ZNF48: variants seen among roughly 807,000 people sequenced by gnomAD.
ZNF48 encodes zinc finger protein 48, also known as zinc finger protein 553.
ZNF48 carries 20 observed loss-of-function variants against 40.0 expected under a neutral mutation model. The observed-to-expected ratio is 0.50, with a 90% confidence interval of 0.35 to 0.73. The LOEUF is 0.73. ZNF48 is among the 30% of genes least tolerant of loss of function. ZNF48 has a pLI of 0.01. For missense variants in ZNF48, 726 were observed against 851.9 expected (o/e 0.85, Z 1.84); for synonymous variants, 298 against 329.7 (o/e 0.90, Z 1.04).
intron 1 of ZNF48, chr16:30,379,638 C>CTATTTTTT: frequency 3.4e-6 from 1 of 295,676 alleles, no homozygotes; most frequent in Non-Finnish European, 5.7e-6. Context: ...CTGCCCCTTC[C>CTATTTTTT]TCTTTTTTTT....
upstream of ZNF48, among the ~76,000 whole-genome samples, chr16:30,390,601 G>GTTT (rs796708706): frequency 3.7e-5 from 2 of 53,356 alleles, no homozygotes; most frequent in African/African-American, 1.4e-4. Flanking sequence ...GTAGAGACGG[G>GTTT]TTTTTTTTTT....
At chr16:30,387,374 T>C (rs2151114108) in intron 1 of ZNF48, among the ~76,000 whole-genome samples, 1 of 147,376 alleles carries the variant, frequency 6.8e-6, no homozygotes, top group East Asian at 2.1e-4. Flanking sequence ...GGCCAACATG[T>C]TGAAATCCTG....
At position 30,399,131 on chromosome 16, in the gene ZNF48, C is replaced by G; in HGVS notation, c.*24C>G. ...GACGCGGTCCAGGGAGGGCGGAGGC[C>G]CAGGAGACCAAAGGGAGGGGCTCTG... is the stretch of plus-strand genomic sequence containing the variant. On this transcript the variant is annotated 3_prime_UTR_variant, in exon 3 of 3. Transcript: ENST00000613509. The G allele has an allele frequency of 6.5e-7, 1 of 1,528,114 alleles. No individual in the cohort carries two copies. The highest frequency in any genetic ancestry group is 8.8e-7 in the Non-Finnish European group (1 of 1,139,172). 94.7% of individuals were successfully genotyped at this position (1,528,114 alleles called of 1,614,324 possible).
In ZNF48 at chr16:30,398,565, G is replaced by A. The variant is rs772192920; in HGVS notation, c.1315G>A (p.Gly439Arg). 8.1e-6 allele frequency: 13 copies of A among 1,611,250 alleles called. No homozygotes were observed. In the South Asian group the frequency reaches 1.2e-4, roughly 15 times the overall value. The stretch of plus-strand genomic sequence containing the variant: ...GCCAGAGCCTGGGGGCCCACAGGCT[G>A]GGGAGCCACCCCCACCACTGGCGGG... ...LEPEPGGPQA[G>R]EPPPPLAGDK... The change falls in exon 3 of 3, where the codon GGG (glycine) becomes AGG (arginine). Residue 439 changes from glycine (G) to arginine (R), a missense_variant. By Grantham distance (125) the Gly-to-Arg change is moderately radical. This residue lies in a region of ZNF48 where 378 missense variants were observed against 449.1 expected (regional missense o/e 0.84). Coordinates refer to ENST00000613509, the MANE Select transcript of ZNF48 (RefSeq NM_001214909.2). This position sits in a 1 kb window ranked among gnomAD's most constrained non-coding sequence, Gnocchi z 6.6.
At position 30,397,268 on chromosome 16, in the gene ZNF48, T is replaced by C; in HGVS notation, c.80-62T>C. Reference sequence around the variant, plus strand: ...GTCAAGGGAGTCTTCCTGGAGAGGTTGCTGTCAAAGATAAGTACCGAGCCA... The same window carrying C: ...GTCAAGGGAGTCTTCCTGGAGAGGTCGCTGTCAAAGATAAGTACCGAGCCA... On this transcript the variant is annotated intron_variant, in intron 2 of 2. Coordinates refer to ENST00000613509, the MANE Select transcript of ZNF48 (RefSeq NM_001214909.2). The surrounding 1 kb of genome is among the most constrained non-coding windows in gnomAD (Gnocchi z 4.1). 1 of 1,452,628 alleles carries C rather than the reference T, an allele frequency of 6.9e-7. No individual in the cohort carries two copies. The highest frequency in any genetic ancestry group is 2.1e-5 in the Admixed American group (1 of 46,908). The allele number at this position is 1,452,628 out of a possible 1,614,324, so 90.0% of individuals were successfully genotyped here. A position where few individuals can be genotyped will look rare whatever the true frequency, so the allele number is the denominator to read the frequency against.
chr16:30,395,816 T>C lies in ZNF48; in HGVS notation c.22T>C (p.Trp8Arg), dbSNP rs1330149378. The change falls in exon 2 of 3, where the codon TGG (tryptophan) becomes CGG (arginine). Residue 8 changes from tryptophan (W) to arginine (R), a missense_variant. By Grantham distance (101) the Trp-to-Arg change is moderately radical. Transcript: ENST00000613509. This position sits in a 1 kb window ranked among gnomAD's most constrained non-coding sequence, Gnocchi z 5.9. ...GGCGATGGAGCGCGCGGTAGAGCCT[T>C]GGGGCCCAGATCTCCACCGCCCGGA... MERAVEP[W>R]GPDLHRPEER... 2 of 1,549,376 alleles carry C rather than the reference T, an allele frequency of 1.3e-6. No individual in the cohort carries two copies. Among genetic ancestry groups the C allele is most frequent in the South Asian group, 2.4e-5 (2 of 84,286 alleles).
chr16:30,380,871 G>A (rs1375694994), intron 1 of ZNF48: 2 of 539,540 alleles, frequency 3.7e-6, no homozygotes, highest in Non-Finnish European at 6.7e-6. Context: ...AAGTCACTAT[G>A]TTCTCATGTC....
Position 30,382,524 on chromosome 16 carries a change from C to A in ZNF48, c.-16+4114C>A. On this transcript the variant is annotated intron_variant, in intron 1 of 2. Transcript: ENST00000528032. This position sits in a 1 kb window ranked among gnomAD's most constrained non-coding sequence, Gnocchi z 4.8. ...CCAGGTTTCTGGGTGTAAGGACTCACCATGACTCCGCCAGCCATCACTGCA... is the reference window on the plus strand; with the variant it reads ...CCAGGTTTCTGGGTGTAAGGACTCAACATGACTCCGCCAGCCATCACTGCA... 6.3e-7 allele frequency: 1 copy of A among 1,593,082 alleles called. No individual in the cohort carries two copies. Among genetic ancestry groups the A allele is most frequent in the Non-Finnish European group, 8.5e-7 (1 of 1,170,756 alleles).
intron 1 of ZNF48, among the ~76,000 whole-genome samples, chr16:30,387,718 C>A (rs1292841246): frequency 6.7e-6 from 1 of 149,840 alleles, no homozygotes; most frequent in African/African-American, 2.5e-5. Flanking sequence ...GCCATCATAC[C>A]TGACTAATTT....
chr16:30,392,305 G>A (rs2049949152), upstream of ZNF48, among the ~76,000 whole-genome samples: 2 of 152,102 alleles, frequency 1.3e-5, no homozygotes, highest in Non-Finnish European at 2.9e-5. Context: ...TTACAGGAGT[G>A]AGCCACCGCC....
Position 30,381,044 on chromosome 16 carries a change from G to T in ZNF48, c.-16+2634G>T. The T allele has an allele frequency of 9.0e-7, 1 of 1,113,436 alleles. No homozygotes were observed. Among genetic ancestry groups the T allele is most frequent in the Non-Finnish European group, 1.4e-6 (1 of 726,068 alleles). 69.0% of individuals were successfully genotyped at this position (1,113,436 alleles called of 1,614,324 possible). On this transcript the variant is annotated intron_variant, in intron 1 of 2. Coordinates refer to the ZNF48 transcript ENST00000528032. This position sits in a 1 kb window ranked among gnomAD's most constrained non-coding sequence, Gnocchi z 4.3. The stretch of plus-strand genomic sequence containing the variant: ...AGCCTGATGCACCATGCTCCAGAAA[G>T]GCCACTTCAAGATCAAAGAAGTCTA...
chr16:30,380,039 G>T, intron 1 of ZNF48: 1 of 1,607,712 alleles, frequency 6.2e-7, no homozygotes, highest in South Asian at 1.1e-5. Flanking sequence ...CGGATCTCAG[G>T]GGAAACAGAT....
upstream of ZNF48, among the ~76,000 whole-genome samples, chr16:30,393,757 C>G (rs747595283): frequency 2.6e-5 from 4 of 151,846 alleles, no homozygotes; most frequent in Non-Finnish European, 4.4e-5. Flanking sequence ...GCTCTATTAC[C>G]CAGGCTGAAG....
In ZNF48 at chr16:30,397,257, C is replaced by T; in HGVS notation, c.80-73C>T. 1 of 1,381,364 alleles carries T rather than the reference C, an allele frequency of 7.2e-7. No homozygotes were observed. The highest frequency in any genetic ancestry group is 9.9e-7 in the Non-Finnish European group (1 of 1,007,186). 85.6% of individuals were successfully genotyped at this position (1,381,364 alleles called of 1,614,324 possible). A position where few individuals can be genotyped will look rare whatever the true frequency, so the allele number is the denominator to read the frequency against. The stretch of plus-strand genomic sequence containing the variant: ...GACCACAGATTGTCAAGGGAGTCTT[C>T]CTGGAGAGGTTGCTGTCAAAGATAA... On this transcript the variant is annotated intron_variant, in intron 2 of 2. Coordinates refer to ENST00000613509, the MANE Select transcript of ZNF48 (RefSeq NM_001214909.2). The surrounding 1 kb of genome is among the most constrained non-coding windows in gnomAD (Gnocchi z 4.1).
intron 1 of ZNF48, chr16:30,380,056 A>C (rs1043931120): frequency 6.9e-6 from 11 of 1,582,980 alleles, no homozygotes; most frequent in Non-Finnish European, 9.5e-6. Context: ...AGATATAGAG[A>C]CAGTGTGAAA....
chr16:30,384,573 CT>C (rs1175799937), intron 1 of ZNF48, among the ~76,000 whole-genome samples: 1 of 151,112 alleles, frequency 6.6e-6, no homozygotes. Flanking sequence ...CATCTAGGGA[CT>C]GTTAAGAATC....
intron 1 of ZNF48, chr16:30,379,501 C>G (rs754938047): frequency 1.2e-6 from 2 of 1,613,954 alleles, no homozygotes; most frequent in Non-Finnish European, 8.5e-7. Flanking sequence ...CTCACCACCT[C>G]GCATGATCCC....
chr16:30,394,480 C>T (rs1407641639), upstream of ZNF48: 1 of 152,318 alleles, frequency 6.6e-6, no homozygotes, highest in Non-Finnish European at 1.5e-5. Context: ...CAGGGGCCCA[C>T]CAGGATGGGA....
At position 30,397,137 on chromosome 16, in the gene ZNF48, A is replaced by G. The variant is rs553676832; in HGVS notation, c.80-193A>G. On this transcript the variant is annotated intron_variant, in intron 2 of 2. Transcript: ENST00000613509. The surrounding 1 kb of genome is among the most constrained non-coding windows in gnomAD (Gnocchi z 4.1). ...ACTAATGCTGAGTTTGGTGAATGACATACATTAAGGGCACAGTAAAAAGAA... is the reference window on the plus strand; with the variant it reads ...ACTAATGCTGAGTTTGGTGAATGACGTACATTAAGGGCACAGTAAAAAGAA... 6.6e-6 allele frequency among the ~76,000 whole-genome samples: 1 copy of G among 152,290 alleles called. No homozygotes were observed. The highest frequency in any genetic ancestry group is 2.4e-5 in the African/African-American group (1 of 41,560).
Sources: allele counts gnomAD v4.1 joint callset (sites outside exome capture counted in the v4.1 genomes callset), GRCh38; gene constraint gnomAD v4.1.1; regional missense constraint gnomAD v4.1.1; non-coding constraint Gnocchi (gnomAD v3.1); transcripts MANE v1.5; gene names NCBI Gene and HGNC (gene_info 2026-07-23, HGNC 2026-07-21).